Variants in ABCD3 observed in about 807,000 individuals in gnomAD.
ABCD3 encodes the protein ATP binding cassette subfamily D member 3, also known as ATP-binding cassette sub-family D member 3.
In ABCD3, 41 loss-of-function variants were observed where a neutral mutation model predicts 105.5. That is an observed-to-expected ratio of 0.39 (90% CI 0.30 to 0.50). The LOEUF is 0.50. Among genes scored for constraint, ABCD3 ranks in the 20% least tolerant of loss-of-function variants. ABCD3 has a pLI of 0.84. For missense variants in ABCD3, 622 were observed against 806.3 expected, an observed-to-expected ratio of 0.77 and a Z score of 2.77; for synonymous variants, 258 against 269.0, an observed-to-expected ratio of 0.96 and a Z score of 0.40.
intron 21 of ABCD3, among the ~76,000 whole-genome samples, chr1:94,511,156 T>C (rs1650650505): frequency 6.6e-6 from 1 of 152,182 alleles, no homozygotes. Context: ...TGTTTAGTGC[T>C]TCCTTCAGGA....
intron 20 of ABCD3, among the ~76,000 whole-genome samples, chr1:94,501,723 T>A (rs1321909519): frequency 6.6e-6 from 1 of 152,188 alleles, no homozygotes; most frequent in Non-Finnish European, 1.5e-5. Flanking sequence ...GCTCTTCCTA[T>A]TTAGTAATAA....
In ABCD3 at chr1:94,487,746, G is replaced by A. The variant is rs1227287876; in HGVS notation, c.1020G>A (p.Leu340=). 5 of 1,613,980 alleles carry A rather than the reference G, an allele frequency of 3.1e-6. No homozygotes were observed. The South Asian group carries it at 3.3e-5, about 11-fold the overall frequency. ...YLVVSRPFLD[L]SHPRHLKSTH... ...TTGTCAGTCGCCCTTTCTTAGATTT[G>A]TCTCATCCTCGACATCTCAAGAGTA... Residue 340 remains leucine (L), a synonymous_variant, in exon 12 of 23, where the codon TTG becomes TTA. Transcript: ENST00000370214.
intron 10 of ABCD3, among the ~76,000 whole-genome samples, chr1:94,483,932 T>TA (rs1234335582): frequency 6.6e-6 from 1 of 151,900 alleles, no homozygotes; most frequent in East Asian, 1.9e-4. Context: ...ACAAAGAACT[T>TA]AAACAAATTT....
intron 9 of ABCD3, 103 bp from the exon 10 acceptor site, chr1:94,483,067 T>A: frequency 1.3e-6 from 1 of 787,468 alleles, no homozygotes; most frequent in South Asian, 1.5e-5. Flanking sequence ...AGTCACAAAA[T>A]GTCCATTTAA....
At chr1:94,397,009 G>A in the ABCD3 span, among the ~76,000 whole-genome samples, 1 of 152,180 alleles carries the variant, frequency 6.6e-6, no homozygotes, top group South Asian at 2.1e-4. Flanking sequence ...GTCTATTTAT[G>A]CTAGTTTCTT....
intron 1 of ABCD3, among the ~76,000 whole-genome samples, chr1:94,454,310 G>A (rs1031299907): frequency 2.6e-5 from 4 of 152,246 alleles, no homozygotes; most frequent in East Asian, 1.9e-4. Flanking sequence ...AGAATAATTC[G>A]CAGCTTTGTG....
intron 19 of ABCD3, 40 bp downstream of exon 19, chr1:94,499,074 C>G (rs965200253): frequency 6.7e-7 from 1 of 1,494,226 alleles, no homozygotes; most frequent in Admixed American, 1.7e-5. Context: ...TGAAAATACT[C>G]CAGATTATTT....
the ABCD3 span, among the ~76,000 whole-genome samples, chr1:94,402,749 C>G: frequency 6.6e-6 from 1 of 152,072 alleles, no homozygotes; most frequent in African/African-American, 2.4e-5. Flanking sequence ...CATATTCTTT[C>G]TTTGCCTTTT....
At chr1:94,481,161 A>C (rs899107510) in intron 9 of ABCD3, among the ~76,000 whole-genome samples, 4 of 152,230 alleles carry the variant, frequency 2.6e-5, no homozygotes, top group African/African-American at 9.6e-5. Flanking sequence ...TAATAGGTAG[A>C]TAATATAGGG....
At chr1:94,434,020 A>G (rs369161297) in intron 1 of ABCD3, among the ~76,000 whole-genome samples, 3 of 152,178 alleles carry the variant, frequency 2.0e-5, no homozygotes, top group Non-Finnish European at 2.9e-5. Flanking sequence ...GTGTACCTGT[A>G]TAAGGTGTAG....
intron 13 of ABCD3, among the ~76,000 whole-genome samples, chr1:94,488,949 A>G (rs1034217612): frequency 2.0e-5 from 3 of 151,936 alleles, no homozygotes; most frequent in Non-Finnish European, 2.9e-5. Flanking sequence ...GACATATAAG[A>G]AACTGTTCAT....
the ABCD3 span, among the ~76,000 whole-genome samples, chr1:94,398,316 G>A: frequency 6.6e-6 from 1 of 152,042 alleles, no homozygotes; most frequent in Non-Finnish European, 1.5e-5. Context: ...TGGGAAACAT[G>A]ACTTGCATTA....
At chr1:94,418,170 G>T (rs1479300651), upstream of ABCD3, among the ~76,000 whole-genome samples, 1 of 152,198 alleles carries the variant, frequency 6.6e-6, no homozygotes, top group Non-Finnish European at 1.5e-5. Context: ...CTGACGCCTC[G>T]CAGGGCTGAG....
the ABCD3 span, among the ~76,000 whole-genome samples, chr1:94,393,439 G>A: frequency 6.6e-6 from 1 of 152,030 alleles, no homozygotes; most frequent in South Asian, 2.1e-4. Context: ...AGGAGTTCAA[G>A]ACCAGCCTGG....
chr1:94,399,430 C>A, the ABCD3 span, among the ~76,000 whole-genome samples: 1 of 152,182 alleles, frequency 6.6e-6, no homozygotes, highest in Non-Finnish European at 1.5e-5. Flanking sequence ...CTTGCCCGGC[C>A]CAGTCTTCAA....
At chr1:94,490,325 G>C (rs1043050607) in intron 15 of ABCD3, among the ~76,000 whole-genome samples, 15 of 151,884 alleles carry the variant, frequency 9.9e-5, no homozygotes, top group South Asian at 2.1e-4. Flanking sequence ...TCCCAGTACA[G>C]TGGATCTACA....
the ABCD3 span, among the ~76,000 whole-genome samples, chr1:94,392,037 T>C: frequency 6.6e-6 from 1 of 152,172 alleles, no homozygotes; most frequent in Non-Finnish European, 1.5e-5. Context: ...TGGGGTTTTT[T>C]CTTTAGATTT....
At chr1:94,513,079 A>G (rs138605186) in intron 21 of ABCD3, among the ~76,000 whole-genome samples, 13 of 152,206 alleles carry the variant, frequency 8.5e-5, no homozygotes, top group African/African-American at 3.1e-4. Context: ...TTTGAGAAGC[A>G]CTGGCGTGAT....
chr1:94,511,360 C>A (rs986002668), intron 21 of ABCD3, among the ~76,000 whole-genome samples: 3 of 152,098 alleles, frequency 2.0e-5, no homozygotes, highest in Admixed American at 2.0e-4. Context: ...CCGAGAGATC[C>A]GCTGTTAGTC....
Sources: gnomAD v4.1 joint callset for allele counts (sites outside exome capture counted in the v4.1 genomes callset) on GRCh38, gnomAD v4.1.1 for gene constraint, MANE v1.5 for transcripts, NCBI Gene and HGNC (gene_info 2026-07-23, HGNC 2026-07-21) for gene names.